ARHGAP33: variants seen among roughly 807,000 people sequenced by gnomAD.
ARHGAP33 encodes the protein Rho GTPase activating protein 33, also known as rho GTPase-activating protein 33.
ARHGAP33 carries 57 observed loss-of-function variants against 126.2 expected under a neutral mutation model. That is an observed-to-expected ratio of 0.45 (90% CI 0.36 to 0.56). ARHGAP33 has a LOEUF of 0.56. ARHGAP33 is among the 20% of genes least tolerant of loss of function. The pLI is 0.00. For missense variants in ARHGAP33, 1,500 were observed against 1,748.3 expected (o/e 0.86, Z 2.53); for synonymous variants, 711 against 755.0 (o/e 0.94, Z 0.95).
rs557796634 is a variant in ARHGAP33, at chr19:35,785,467, G to A, written c.1926G>A (p.Ser642=). The change falls in exon 19 of 21, where the codon TCG becomes TCA. Residue 642 remains serine, a synonymous_variant. Transcript: ENST00000007510. ...RSAKSEESLS[S]QASGAGLQRL... ...CCAAGAGCGAGGAGTCTCTGTCATC[G>A]CAGGCCAGCGGGGCTGGTGAGCAAG... 25 of 1,614,082 alleles carry A rather than the reference G, an allele frequency of 1.5e-5. No homozygotes were observed. Among genetic ancestry groups the A allele is most frequent in the Non-Finnish European group, 2.1e-5 (25 of 1,180,036 alleles).
intron 17 of ARHGAP33, 26 bp downstream of exon 17, chr19:35,785,132 G>A (rs1360395841): frequency 3.1e-6 from 5 of 1,588,284 alleles, no homozygotes; most frequent in African/African-American, 2.7e-5. Flanking sequence ...GGGGTGGCGA[G>A]GGGCAGGTGG....
chr19:35,783,952 C>T (rs1221002420), intron 15 of ARHGAP33, among the ~76,000 whole-genome samples: 1 of 149,108 alleles, frequency 6.7e-6, no homozygotes, highest in Admixed American at 6.7e-5. Context: ...AGGGCAACCC[C>T]AAGGTGTTTG....
chr19:35,779,260 G>C, intron 6 of ARHGAP33, 136 bp downstream of exon 6: 1 of 658,308 alleles, frequency 1.5e-6, no homozygotes, highest in African/African-American at 1.8e-5. Flanking sequence ...TTTAGTGTCT[G>C]TGTGGGCGCA....
At position 35,780,796 on chromosome 19, in the gene ARHGAP33, G is replaced by T. The variant is rs757807359; in HGVS notation, c.809G>T (p.Gly270Val). Reference protein sequence around the residue: ...GPPCGIPAPQGISSLTSAVPR... With the variant: ...GPPCGIPAPQVISSLTSAVPR... ...CCATGTGGCATCCCGGCTCCCCAGGGTATCTCGTCTCTGACCTCAGGTAAT... is the reference window on the plus strand; with the variant it reads ...CCATGTGGCATCCCGGCTCCCCAGGTTATCTCGTCTCTGACCTCAGGTAAT... The change falls in exon 10 of 21, where the codon GGT (glycine) becomes GTT (valine). Residue 270 changes from glycine (G) to valine (V), a missense_variant. Physicochemically the swap from Gly to Val is moderately radical, Grantham distance 109. Around this residue, in one of 6 missense-constraint regions of ARHGAP33, gnomAD observed 281 missense variants for 413.7 expected, o/e 0.68. Transcript: ENST00000007510. 5.6e-6 allele frequency: 9 copies of T among 1,613,812 alleles called. No individual in the cohort carries two copies. In the African/African-American group the frequency reaches 6.7e-5, roughly 12 times the overall value.
At chr19:35,785,368 A>G (rs1972059033) in intron 18 of ARHGAP33, 34 bp downstream of exon 18, 2 of 1,613,880 alleles carry the variant, frequency 1.2e-6, no homozygotes, top group African/African-American at 1.3e-5. Flanking sequence ...GTGGGCAGCG[A>G]TGGTCGCTGG....
rs1971500178 is a variant in ARHGAP33, at chr19:35,777,206, TG to T, written c.7-437del. On this transcript the variant is annotated intron_variant, in intron 1 of 20. Coordinates refer to ENST00000007510, the MANE Select transcript of ARHGAP33 (RefSeq NM_001366178.1). ...GGAGTCATTGAAGGCCCAGGATCTA[TG>T]GAGAAATAGAGCCAGATTTGTGTTT... is the stretch of plus-strand genomic sequence containing the variant. Among the ~76,000 whole-genome samples the T allele has an allele frequency of 2.0e-5, 3 of 152,184 alleles. No homozygotes were observed. In the South Asian group the frequency reaches 6.2e-4, roughly 32 times the overall value.
rs1971599340 is a variant in ARHGAP33, at chr19:35,778,955, G to A, written c.409-77G>A. 4.1e-6 allele frequency: 5 copies of A among 1,233,238 alleles called. No homozygotes were observed. In the South Asian group the frequency reaches 5.2e-5, roughly 13 times the overall value. The allele number at this position is 1,233,238 out of a possible 1,614,324, so 76.4% of individuals were successfully genotyped here. ...TCAGGATGAACTTCAGCCCAGAGACGAGCTAGGGCAGTGTGGGAGGGCAGT... is the reference window on the plus strand; with the variant it reads ...TCAGGATGAACTTCAGCCCAGAGACAAGCTAGGGCAGTGTGGGAGGGCAGT... On this transcript the variant is annotated intron_variant, in intron 5 of 20. Coordinates refer to ENST00000007510, the MANE Select transcript of ARHGAP33 (RefSeq NM_001366178.1).
In ARHGAP33 at chr19:35,788,145, C is replaced by T. The variant is rs747975988; in HGVS notation, c.3580C>T (p.Arg1194Ter). The T allele has an allele frequency of 2.5e-6, 4 of 1,611,098 alleles. No homozygotes were observed. Among genetic ancestry groups the T allele is most frequent in the African/African-American group, 1.3e-5 (1 of 74,696 alleles). The change falls in exon 21 of 21, where the codon CGA becomes TGA. Residue 1194 changes from arginine (R) to a stop codon, truncating the protein, a stop_gained. Coordinates refer to ENST00000007510, the MANE Select transcript of ARHGAP33 (RefSeq NM_001366178.1). LOFTEE classifies it high-confidence loss of function. ...SSSSSPPAHP[R>*]SRSDPGPPVP... ...CTCCTCTTCCCCTCCTGCCCACCCC[C>T]GAAGCCGTTCAGATCCCGGTCCCCC...
Position 35,787,585 on chromosome 19 carries a change from G to T in ARHGAP33, c.3020G>T (p.Gly1007Val). 6.2e-7 allele frequency: 1 copy of T among 1,608,396 alleles called. No homozygotes were observed. The highest frequency in any genetic ancestry group is 8.5e-7 in the Non-Finnish European group (1 of 1,178,310). Residue 1007 changes from glycine (G) to valine (V), a missense_variant, in exon 21 of 21, where the codon GGC becomes GTC. Physicochemically the swap from Gly to Val is moderately radical, Grantham distance 109. This residue lies in a region of ARHGAP33 where 642 missense variants were observed against 634.0 expected (regional missense o/e 1.01). Transcript: ENST00000007510. ...GTCAGTGCCCAGCTCAGGGCAGGTG[G>T]CGGGGGCAGGGATGCGCCAGAGGCA... is the stretch of plus-strand genomic sequence containing the variant. ...AQVSAQLRAG[G>V]GGRDAPEAAA...
rs925325608 is a variant in ARHGAP33 at position 35,788,555 on chromosome 19, C to A, written c.*126C>A. On this transcript the variant is annotated 3_prime_UTR_variant, in exon 21 of 21. Coordinates refer to ENST00000007510, the MANE Select transcript of ARHGAP33 (RefSeq NM_001366178.1). ...CCCAGGTTTCTAACTTTGTAACTTG[C>A]TTCTGATGTGGGTCCCTAACCTATA... The A allele has an allele frequency of 3.5e-6, 3 of 864,934 alleles. No individual in the cohort carries two copies. Among genetic ancestry groups the A allele is most frequent in the African/African-American group, 3.5e-5 (2 of 56,752 alleles). The allele number at this position is 864,934 out of a possible 1,614,324, so 53.6% of individuals were successfully genotyped here.
chr19:35,787,915 C>A lies in ARHGAP33; in HGVS notation c.3350C>A (p.Ala1117Asp). The change falls in exon 21 of 21, where the codon GCC becomes GAC. Residue 1117 changes from alanine (A) to aspartate (D), a missense_variant. Coordinates refer to ENST00000007510, the MANE Select transcript of ARHGAP33 (RefSeq NM_001366178.1). ...FRSMPPDRLN[A>D]SYGMLGQSPP... ...TCCATGCCCCCCGACAGGCTCAATG[C>A]CTCCTACGGCATGCTTGGCCAATCA... 1 of 1,601,058 alleles carries A rather than the reference C, an allele frequency of 6.2e-7. No individual in the cohort carries two copies. The highest frequency in any genetic ancestry group is 8.5e-7 in the Non-Finnish European group (1 of 1,173,600).
Position 35,780,562 on chromosome 19 carries a change from C to T in ARHGAP33, c.703-20C>T. ...CCTGCCAACTGGGGTGGCCCAGCTA[C>T]TGACCCTGACCTTCCTCAGGTCGGG... On this transcript the variant is annotated intron_variant, in intron 8 of 20. Transcript: ENST00000007510. 1 of 1,613,694 alleles carries T rather than the reference C, an allele frequency of 6.2e-7. No individual in the cohort carries two copies.
Position 35,786,476 on chromosome 19 carries a change from C to T in ARHGAP33, c.2006C>T (p.Pro669Leu). 1 of 1,535,928 alleles carries T rather than the reference C, an allele frequency of 6.5e-7. No individual in the cohort carries two copies. The highest frequency in any genetic ancestry group is 8.7e-7 in the Non-Finnish European group (1 of 1,146,772). Residue 669 changes from proline to leucine, a missense_variant, in exon 20 of 21, where the codon CCA becomes CTA. Physicochemically the swap from Pro to Leu is moderately conservative, Grantham distance 98 (BLOSUM62 -3). Transcript: ENST00000007510. The surrounding 1 kb of genome is among the most constrained non-coding windows in gnomAD (Gnocchi z 7.0). ...AGCAGCGACGCTTTCCCTGTGGGCC[C>T]AGCACCTGCTGGCTCCTGCGAGAGC... ...HSSSDAFPVG[P>L]APAGSCESLS...
chr19:35,786,165 G>A lies in ARHGAP33; in HGVS notation c.1943-248G>A. On this transcript the variant is annotated intron_variant, in intron 19 of 20. Coordinates refer to ENST00000007510, the MANE Select transcript of ARHGAP33 (RefSeq NM_001366178.1). The surrounding 1 kb of genome is among the most constrained non-coding windows in gnomAD (Gnocchi z 7.0). ...TACCCAGGAGCCCAGGTGCTGTCCT[G>A]CTGGCTCAGCAGCTGTATGTGAATC... The A allele has an allele frequency of 7.2e-7, 1 of 1,379,742 alleles. No homozygotes were observed. Among genetic ancestry groups the A allele is most frequent in the Non-Finnish European group, 9.3e-7 (1 of 1,070,644 alleles). The allele number at this position is 1,379,742 out of a possible 1,614,324, so 85.5% of individuals were successfully genotyped here.
intron 6 of ARHGAP33, 143 bp from the exon 7 acceptor site, chr19:35,780,068 T>G (rs917060835): frequency 1.7e-6 from 2 of 1,173,556 alleles, no homozygotes; most frequent in Admixed American, 1.8e-5. Context: ...CAAACAGGAA[T>G]CTAGGTGTTT....
At position 35,780,740 on chromosome 19, in the gene ARHGAP33, C is replaced by A; in HGVS notation, c.770-17C>A. The A allele has an allele frequency of 6.2e-7, 1 of 1,613,744 alleles. No homozygotes were observed. Among genetic ancestry groups the A allele is most frequent in the South Asian group, 1.1e-5 (1 of 91,074 alleles). On this transcript the variant is annotated splice_polypyrimidine_tract_variant and intron_variant, in intron 9 of 20. Transcript: ENST00000007510. ...TGCCTCCCACTCATCCCTTCCACCC[C>A]ATTTTTCGCCTAGCAGATGCCGATG...
In ARHGAP33 at chr19:35,782,292, G is replaced by A; in HGVS notation, c.1086-81G>A. 1.3e-6 allele frequency: 2 copies of A among 1,518,628 alleles called. No homozygotes were observed. Among genetic ancestry groups the A allele is most frequent in the Non-Finnish European group, 1.8e-6 (2 of 1,116,334 alleles). The allele number at this position is 1,518,628 out of a possible 1,614,324, so 94.1% of individuals were successfully genotyped here. On this transcript the variant is annotated intron_variant, in intron 12 of 20. Coordinates refer to ENST00000007510, the MANE Select transcript of ARHGAP33 (RefSeq NM_001366178.1). This position sits in a 1 kb window ranked among gnomAD's most constrained non-coding sequence, Gnocchi z 4.1. ...GTTCCATCCACCTGCGGGCACTTGG[G>A]GGTAGGGGCAAGGGGAGCATGGCCA...
intron 1 of ARHGAP33, 49 bp from the exon 2 acceptor site, chr19:35,777,596 G>T: frequency 6.8e-7 from 1 of 1,463,234 alleles, no homozygotes; most frequent in Non-Finnish European, 9.4e-7. Flanking sequence ...TGCTCTCGTT[G>T]TCTCTTTGCT....
In ARHGAP33 at chr19:35,782,545, G is replaced by C. The variant is rs1365633178; in HGVS notation, c.1230+28G>C. The C allele has an allele frequency of 6.2e-7, 1 of 1,613,442 alleles. No individual in the cohort carries two copies. The highest frequency in any genetic ancestry group is 2.2e-5 in the East Asian group (1 of 44,872). On this transcript the variant is annotated intron_variant, in intron 13 of 20. Transcript: ENST00000007510. The surrounding 1 kb of genome is among the most constrained non-coding windows in gnomAD (Gnocchi z 4.1). ...GAGTAAGGGAGCTGGCGGGACGGAG[G>C]GGGCCGGGACGCCTCTGGCCCAGAC...
Sources: allele counts gnomAD v4.1 joint callset (sites outside exome capture counted in the v4.1 genomes callset), GRCh38; gene constraint gnomAD v4.1.1; regional missense constraint gnomAD v4.1.1; non-coding constraint Gnocchi (gnomAD v3.1); transcripts MANE v1.5; gene names NCBI Gene and HGNC (gene_info 2026-07-23, HGNC 2026-07-21).